The following C14orf39 variants were observed in gnomAD, a reference collection of about 807,000 sequenced individuals.
The protein encoded by C14orf39 is chromosome 14 open reading frame 39.
C14orf39 carries 66 observed loss-of-function variants against 85.6 expected under a neutral mutation model. The observed-to-expected ratio is 0.77, with a 90% CI of 0.63 to 0.95. The LOEUF (loss-of-function observed/expected upper bound fraction) is 0.95, where lower values mean the gene tolerates loss of function less well. Among genes scored for constraint, C14orf39 ranks in the 40% least tolerant of loss-of-function variants. C14orf39 has a pLI of 0.00. For missense variants in C14orf39, 735 were observed against 663.9 expected (o/e 1.11, Z -1.18); for synonymous variants, 242 against 214.0 (o/e 1.13, Z -1.14).
intron 2 of C14orf39, chr14:60,495,170 G>C (rs1464252561): frequency 5.1e-6 from 1 of 197,160 alleles, no homozygotes; most frequent in Non-Finnish European, 1.1e-5. Context: ...GCACGGTAAT[G>C]CATTTTGAGG....
intron 2 of C14orf39, among the ~76,000 whole-genome samples, chr14:60,492,246 C>T (rs183592538): frequency 6.6e-6 from 1 of 152,162 alleles, no homozygotes; most frequent in Non-Finnish European, 1.5e-5. Flanking sequence ...CTTCTCCACC[C>T]TAAAGTTATG....
At position 60,466,345 on chromosome 14, in the gene C14orf39, T is replaced by C. The variant is rs186403232; in HGVS notation, c.896-290A>G. ...TTGAGAAGACAAAGAAACCAGCCAA[T>C]GTAGTTAATCTAATATAATGTATTA... On this transcript the variant is annotated intron_variant, in intron 10 of 17. Coordinates refer to ENST00000321731, the MANE Select transcript of C14orf39 (RefSeq NM_174978.3). Among the ~76,000 whole-genome samples the C allele has an allele frequency of 2.1e-4, 32 of 152,044 alleles. No homozygotes were observed. The East Asian group carries it at 6.0e-3, about 28-fold the overall frequency.
chr14:60,467,681 A>G (rs531099798), intron 9 of C14orf39, among the ~76,000 whole-genome samples: 3 of 151,840 alleles, frequency 2.0e-5, no homozygotes, highest in Non-Finnish European at 4.4e-5. Flanking sequence ...TATAAAATTA[A>G]AGACACACTT....
chr14:60,496,491 T>G (rs1893071759), intron 2 of C14orf39: 1 of 256,638 alleles, frequency 3.9e-6, no homozygotes, highest in African/African-American at 2.2e-5. Flanking sequence ...CCATTCTCCA[T>G]GTGACCATTC....
rs747715752 is a variant in C14orf39 at position 60,436,624 on chromosome 14, G to A, written c.*221C>T. On this transcript the variant is annotated 3_prime_UTR_variant, in exon 18 of 18. Transcript: ENST00000321731. ...ATTAATAAAAGTTCTACCTGACCAC[G>A]GCTCGCAAAATCAAAACCAAAATAA... is the stretch of plus-strand genomic sequence containing the variant. 9 of 329,244 alleles carry A rather than the reference G, an allele frequency of 2.7e-5. No homozygotes were observed. The highest frequency in any genetic ancestry group is 8.5e-4 in the Middle Eastern group (1 of 1,174). 20.4% of individuals were successfully genotyped at this position (329,244 alleles called of 1,614,324 possible). A position where few individuals can be genotyped will look rare whatever the true frequency, so the allele number is the denominator to read the frequency against.
intron 9 of C14orf39, 146 bp from the exon 10 acceptor site, chr14:60,467,190 C>T: frequency 2.9e-6 from 1 of 348,024 alleles, no homozygotes; most frequent in Non-Finnish European, 4.9e-6. Flanking sequence ...AATAGACTTG[C>T]CCAAAATGAC....
At chr14:60,495,374 TA>T in intron 2 of C14orf39, 1 of 195,778 alleles carries the variant, frequency 5.1e-6, no homozygotes. Context: ...AGTCTACCCT[TA>T]CATTCTGAAG....
rs557493851 is a variant in C14orf39 at position 60,458,688 on chromosome 14, C to T, written c.1169G>A (p.Cys390Tyr). 22 of 1,600,534 alleles carry T rather than the reference C, an allele frequency of 1.4e-5. No individual in the cohort carries two copies. Among genetic ancestry groups the T allele is most frequent in the Admixed American group, 5.1e-5 (3 of 58,984 alleles). Reference sequence around the variant, plus strand: ...AAACATTTGACTTACTTGTGAAGTACATTTTGATTCTCTTACTTGTCTTAC... The same window carrying T: ...AAACATTTGACTTACTTGTGAAGTATATTTTGATTCTCTTACTTGTCTTAC... ...GTVRQVRESK[C>Y]TSQAIYTEHF... The change falls in exon 14 of 18, where the codon TGT becomes TAT. Residue 390 changes from cysteine (C) to tyrosine (Y), a missense_variant. By Grantham distance (194) the Cys-to-Tyr change is radical. Transcript: ENST00000321731.
intron 2 of C14orf39, chr14:60,495,160 G>C: frequency 5.1e-6 from 1 of 197,924 alleles, no homozygotes; most frequent in Middle Eastern, 4.9e-4. Flanking sequence ...CCGAGTGTGG[G>C]CACGGTAATG....
intron 11 of C14orf39, among the ~76,000 whole-genome samples, chr14:60,465,092 T>C (rs1172097640): frequency 6.6e-6 from 1 of 152,160 alleles, no homozygotes; most frequent in African/African-American, 2.4e-5. Flanking sequence ...ATCTTCTCCC[T>C]ACCTCTATCC....
At chr14:60,474,959 G>T (rs368430022) in intron 5 of C14orf39, among the ~76,000 whole-genome samples, 49 of 152,074 alleles carry the variant, frequency 3.2e-4, no homozygotes, top group African/African-American at 1.2e-3. Context: ...TTGATTGGAA[G>T]AGTTTCAGAA....
chr14:60,505,396 A>G (rs1172768223), intron 1 of C14orf39, among the ~76,000 whole-genome samples: 1 of 152,260 alleles, frequency 6.6e-6, no homozygotes, highest in Non-Finnish European at 1.5e-5. Context: ...AAATAAATAA[A>G]TGTTTGAAAG....
At chr14:60,438,620 T>C (rs1374161453) in intron 17 of C14orf39, among the ~76,000 whole-genome samples, 1 of 152,104 alleles carries the variant, frequency 6.6e-6, no homozygotes, top group Middle Eastern at 3.2e-3. Flanking sequence ...AGAGGAGATT[T>C]TATATCTATT....
At chr14:60,490,988 C>CTGTT (rs1409853752), upstream of C14orf39, among the ~76,000 whole-genome samples, 5 of 152,160 alleles carry the variant, frequency 3.3e-5, no homozygotes, top group African/African-American at 1.2e-4. Flanking sequence ...TCCTCCCAGA[C>CTGTT]TGTTAGGGTA....
chr14:60,481,445 C>T (rs1892634603), intron 4 of C14orf39, among the ~76,000 whole-genome samples: 1 of 152,032 alleles, frequency 6.6e-6, no homozygotes, highest in Admixed American at 6.6e-5. Context: ...TCACTTGAGT[C>T]CAGGAGTTCG....
In C14orf39 at chr14:60,436,751, A is replaced by G; in HGVS notation, c.*94T>C. ...TGTAAACATTACTGCTTTAATCAATAAAAGAAAGCAGTCTTCATGTTTTAA... is the reference window on the plus strand; with the variant it reads ...TGTAAACATTACTGCTTTAATCAATGAAAGAAAGCAGTCTTCATGTTTTAA... On this transcript the variant is annotated 3_prime_UTR_variant, in exon 18 of 18. Transcript: ENST00000321731. 2 of 774,218 alleles carry G rather than the reference A, an allele frequency of 2.6e-6. No individual in the cohort carries two copies. The highest frequency in any genetic ancestry group is 3.6e-5 in the South Asian group (2 of 54,808). 48.0% of individuals were successfully genotyped at this position (774,218 alleles called of 1,614,324 possible). A position where few individuals can be genotyped will look rare whatever the true frequency, so the allele number is the denominator to read the frequency against.
intron 11 of C14orf39, among the ~76,000 whole-genome samples, chr14:60,464,086 C>T (rs138159072): frequency 7.2e-5 from 11 of 152,240 alleles, no homozygotes; most frequent in African/African-American, 2.2e-4. Context: ...AAATTGTTTA[C>T]GGAGCTTCTA....
chr14:60,448,741 T>C (rs955670844), intron 16 of C14orf39, among the ~76,000 whole-genome samples: 2 of 152,226 alleles, frequency 1.3e-5, no homozygotes, highest in African/African-American at 4.8e-5. Context: ...CGTATGTTTT[T>C]TGTGGCACTA....
At chr14:60,460,832 TTA>T (rs1891488221) in intron 13 of C14orf39, among the ~76,000 whole-genome samples, 1 of 151,618 alleles carries the variant, frequency 6.6e-6, no homozygotes, top group African/African-American at 2.4e-5. Context: ...GTCCAAGGTA[TTA>T]AAAGATTAAT....
Sources: gnomAD v4.1 joint callset for allele counts (sites outside exome capture counted in the v4.1 genomes callset) on GRCh38, gnomAD v4.1.1 for gene constraint, MANE v1.5 for transcripts, NCBI Gene and HGNC (gene_info 2026-07-23, HGNC 2026-07-21) for gene names.